ARHGEF37: variants seen among roughly 807,000 people sequenced by gnomAD.
ARHGEF37 encodes the protein Rho guanine nucleotide exchange factor (GEF) 37.
In ARHGEF37, 55 loss-of-function variants were observed where a neutral mutation model predicts 71.1. That is an observed-to-expected ratio of 0.77 (90% CI 0.62 to 0.97). The LOEUF is 0.97. ARHGEF37 is among the 50% of genes least tolerant of loss of function. The pLI, the probability that ARHGEF37 is intolerant of heterozygous loss-of-function variation, is 0.00. For missense variants in ARHGEF37, 765 were observed against 836.8 expected, an observed-to-expected ratio of 0.91 and a Z score of 1.06; for synonymous variants, 327 against 350.6, an observed-to-expected ratio of 0.93 and a Z score of 0.75.
intron 1 of ARHGEF37, among the ~76,000 whole-genome samples, chr5:149,591,552 C>G (rs1055539291): frequency 6.6e-6 from 1 of 152,146 alleles, no homozygotes; most frequent in African/African-American, 2.4e-5. Context: ...CCTGGCTTCT[C>G]CCAGGCTTTT....
intron 1 of ARHGEF37, among the ~76,000 whole-genome samples, chr5:149,553,153 C>T (rs910112860): frequency 7.9e-5 from 12 of 152,142 alleles, no homozygotes; most frequent in Non-Finnish European, 1.3e-4. Context: ...AATCCCAGCA[C>T]TTTGGGAGGC....
At chr5:149,571,253 T>G (rs1762959724) in intron 1 of ARHGEF37, among the ~76,000 whole-genome samples, 1 of 152,000 alleles carries the variant, frequency 6.6e-6, no homozygotes, top group African/African-American at 2.4e-5. Flanking sequence ...AGTTTTGTTT[T>G]GTTTTGTTTT....
Position 149,632,199 on chromosome 5 carries a change from T to A in ARHGEF37, c.*8T>A, listed in dbSNP as rs1310121300. ...TGGAGTCTGCCCTCTTAGGGTACCC[T>A]CTTTGGAGCCTACATTGCCAAATGA... On this transcript the variant is annotated 3_prime_UTR_variant, in exon 13 of 13. Coordinates refer to ENST00000333677, the MANE Select transcript of ARHGEF37 (RefSeq NM_001001669.3). 4.3e-6 allele frequency: 7 copies of A among 1,612,654 alleles called. No individual in the cohort carries two copies. The highest frequency in any genetic ancestry group is 5.9e-6 in the Non-Finnish European group (7 of 1,179,126).
At chr5:149,597,689 A>G (rs1763585625) in intron 1 of ARHGEF37, 70 bp from the exon 2 acceptor site, 1 of 1,383,872 alleles carries the variant, frequency 7.2e-7, no homozygotes, top group Non-Finnish European at 9.6e-7. Context: ...AGTAATTGTC[A>G]TTGAATTAGA....
chr5:149,614,180 A>G (rs1306953895), intron 4 of ARHGEF37, among the ~76,000 whole-genome samples: 16 of 152,166 alleles, frequency 1.1e-4, no homozygotes, highest in Admixed American at 9.8e-4. Flanking sequence ...TACTAACTCA[A>G]ATAGAGTCAC....
chr5:149,577,517 T>G (rs1763040542), upstream of ARHGEF37, among the ~76,000 whole-genome samples: 1 of 152,234 alleles, frequency 6.6e-6, no homozygotes, highest in Non-Finnish European at 1.5e-5. Context: ...AGCAAGTGAT[T>G]CTAATGATTA....
upstream of ARHGEF37, among the ~76,000 whole-genome samples, chr5:149,578,465 C>A (rs1763051523): frequency 6.6e-6 from 1 of 152,180 alleles, no homozygotes; most frequent in African/African-American, 2.4e-5. Flanking sequence ...CTGCCCCACC[C>A]TAATCCACCT....
chr5:149,621,007 A>G (rs891738552), intron 8 of ARHGEF37, among the ~76,000 whole-genome samples: 3 of 152,140 alleles, frequency 2.0e-5, no homozygotes, highest in African/African-American at 7.2e-5. Context: ...TACATCATTT[A>G]ATCCTCACCA....
rs2113345832 is a variant in ARHGEF37, at chr5:149,610,817, C to G, written c.458+1122C>G. 1.3e-5 allele frequency among the ~76,000 whole-genome samples: 2 copies of G among 152,382 alleles called. 1 individual carries two copies. Among genetic ancestry groups the G allele is most frequent in the South Asian group, 4.1e-4 (2 of 4,828 alleles). On this transcript the variant is annotated intron_variant, in intron 4 of 12. Coordinates refer to ENST00000333677, the MANE Select transcript of ARHGEF37 (RefSeq NM_001001669.3). Reference sequence around the variant, plus strand: ...CCCTGTGTAGCGTGCAGCTGCAGGACAGCCTTAGCTAATTGCTGCTATCAA... The same window carrying G: ...CCCTGTGTAGCGTGCAGCTGCAGGAGAGCCTTAGCTAATTGCTGCTATCAA...
intron 12 of ARHGEF37, among the ~76,000 whole-genome samples, chr5:149,630,221 C>T (rs1036046250): frequency 6.6e-6 from 1 of 152,108 alleles, no homozygotes; most frequent in Non-Finnish European, 1.5e-5. Context: ...GTTTGGAAGC[C>T]ACTAAGGGAT....
intron 1 of ARHGEF37, among the ~76,000 whole-genome samples, chr5:149,575,278 C>T (rs1430267635): frequency 2.0e-5 from 3 of 152,234 alleles, no homozygotes; most frequent in Admixed American, 2.0e-4. Context: ...TCTTTACAGA[C>T]TCGGTAGGAA....
At position 149,564,481 on chromosome 5, in the gene ARHGEF37, C is replaced by G. The variant is rs1762874592; in HGVS notation, c.-12+12358C>G. Among the ~76,000 whole-genome samples the G allele has an allele frequency of 2.6e-5, 4 of 151,998 alleles. No individual in the cohort carries two copies. In the South Asian group the frequency reaches 8.3e-4, roughly 32 times the overall value. On this transcript the variant is annotated intron_variant, in intron 1 of 2. Coordinates refer to the ARHGEF37 transcript ENST00000505810. ...TATGCATCTCAGGACTACAAAACAC[C>G]CTGGGAAGGAAACTGCTCATCTCTT... is the stretch of plus-strand genomic sequence containing the variant.
chr5:149,632,440 T>A lies in ARHGEF37; in HGVS notation c.*249T>A. The A allele has an allele frequency of 1.9e-6, 1 of 517,076 alleles. No homozygotes were observed. Among genetic ancestry groups the A allele is most frequent in the Non-Finnish European group, 3.5e-6 (1 of 285,140 alleles). The allele number at this position is 517,076 out of a possible 1,614,324, so 32.0% of individuals were successfully genotyped here. On this transcript the variant is annotated 3_prime_UTR_variant, in exon 13 of 13. Transcript: ENST00000333677. ...ATAAAGAACTCATTCCGACCTGGGG[T>A]CACAATGCACTTGGACAGCAGGTCA...
At chr5:149,594,176 A>G (rs1763483576) in intron 1 of ARHGEF37, among the ~76,000 whole-genome samples, 1 of 152,166 alleles carries the variant, frequency 6.6e-6, no homozygotes, top group Non-Finnish European at 1.5e-5. Flanking sequence ...TTTTCCTGCT[A>G]GGAGGTCTAG....
intron 1 of ARHGEF37, among the ~76,000 whole-genome samples, chr5:149,559,257 G>T (rs1421736517): frequency 6.6e-6 from 1 of 152,160 alleles, no homozygotes; most frequent in Non-Finnish European, 1.5e-5. Context: ...GGAGGCAGAG[G>T]TTGTAGTGAG....
At chr5:149,588,353 G>T (rs2113280388) in intron 1 of ARHGEF37, among the ~76,000 whole-genome samples, 1 of 151,996 alleles carries the variant, frequency 6.6e-6, no homozygotes, top group South Asian at 2.1e-4. Flanking sequence ...CTGGAGTGCA[G>T]TGGCATGATC....
At chr5:149,620,171 A>G (rs7733092) in intron 7 of ARHGEF37, among the ~76,000 whole-genome samples, 183 bp from the exon 8 acceptor site, 1,820 of 152,316 alleles carry the variant, frequency 0.012, 35 homozygotes, top group African/African-American at 0.042. Flanking sequence ...ATGTTGACTC[A>G]GTCTAAGGCG....
chr5:149,566,065 C>T (rs951987895), intron 1 of ARHGEF37, among the ~76,000 whole-genome samples: 2 of 150,974 alleles, frequency 1.3e-5, no homozygotes, highest in African/African-American at 2.4e-5. Flanking sequence ...AGGCTCATCA[C>T]GAACTCCTGA....
chr5:149,585,875 AAACTTTTTGGTGGCTTCC>A (rs1270162374), intron 1 of ARHGEF37, among the ~76,000 whole-genome samples: 1 of 152,224 alleles, frequency 6.6e-6, no homozygotes, highest in Non-Finnish European at 1.5e-5. Flanking sequence ...ACCTGAACTC[AAACTTTTTGGTGGCTTCC>A]AAGAAGAACC....
Sources: gnomAD v4.1 joint callset for allele counts (sites outside exome capture counted in the v4.1 genomes callset) on GRCh38, gnomAD v4.1.1 for gene constraint, MANE v1.5 for transcripts, NCBI Gene and HGNC (gene_info 2026-07-23, HGNC 2026-07-21) for gene names.